CDH4: variants seen among roughly 807,000 people sequenced by gnomAD.
CDH4 encodes cadherin-4.
CDH4 carries 33 observed loss-of-function variants against 86.0 expected under a neutral mutation model. The observed-to-expected ratio is 0.38, with a 90% confidence interval of 0.29 to 0.51. The LOEUF is 0.51. Among genes scored for constraint, CDH4 ranks in the 20% least tolerant of loss-of-function variants. The pLI, the probability that CDH4 is intolerant of heterozygous loss-of-function variation, is 0.86. For missense variants in CDH4, 1,114 were observed against 1,307.4 expected, an observed-to-expected ratio of 0.85 and a Z score of 2.28; for synonymous variants, 555 against 549.4, an observed-to-expected ratio of 1.01 and a Z score of -0.14.
rs543828715 is a variant in CDH4, at chr20:61,405,697, A to ATTT, written c.169+150772_169+150774dup. Reference sequence around the variant, plus strand: ...TTATAGCTATATCTATGTATCTATAATTTTTTTTTTTTTTGAGACAGAGTC... The same window carrying ATTT: ...TTATAGCTATATCTATGTATCTATAATTTTTTTTTTTTTTTTTGAGACAGAGTC... On this transcript the variant is annotated intron_variant, in intron 2 of 15. Coordinates refer to ENST00000614565, the MANE Select transcript of CDH4 (RefSeq NM_001794.5). 2.0e-3 allele frequency among the ~76,000 whole-genome samples: 288 copies of ATTT among 145,724 alleles called. 3 individuals carry two copies. The highest frequency in any genetic ancestry group is 7.0e-3 in the African/African-American group (278 of 39,870).
Position 61,623,084 on chromosome 20 carries a change from A to G in CDH4, c.170-120479A>G, listed in dbSNP as rs184110568. Reference sequence around the variant, plus strand: ...GTGCCTTAGAGGCAAAGCTTCATTTAAAATAATGACATAAGACGTGTGGGT... The same window carrying G: ...GTGCCTTAGAGGCAAAGCTTCATTTGAAATAATGACATAAGACGTGTGGGT... On this transcript the variant is annotated intron_variant, in intron 2 of 15. Transcript: ENST00000614565. This position sits in a 1 kb window ranked among gnomAD's most constrained non-coding sequence, Gnocchi z 4.4. Among the ~76,000 whole-genome samples, 2 of 152,336 alleles carry G rather than the reference A, an allele frequency of 1.3e-5. No individual in the cohort carries two copies. The highest frequency in any genetic ancestry group is 2.9e-5 in the Non-Finnish European group (2 of 68,028).
At chr20:61,455,713 A>C (rs1396518750) in intron 2 of CDH4, among the ~76,000 whole-genome samples, 1 of 152,060 alleles carries the variant, frequency 6.6e-6, no homozygotes, top group Non-Finnish European at 1.5e-5. Flanking sequence ...AAAAACCCAA[A>C]TGTACCTCTC....
At chr20:61,648,214 C>T (rs992171105) in intron 2 of CDH4, among the ~76,000 whole-genome samples, 1 of 152,194 alleles carries the variant, frequency 6.6e-6, no homozygotes, top group Non-Finnish European at 1.5e-5. Context: ...AATTCATTGT[C>T]TGGGTCTTTC....
intron 2 of CDH4, among the ~76,000 whole-genome samples, chr20:61,648,104 C>T (rs113145149): frequency 0.022 from 3,338 of 152,302 alleles, 139 homozygotes; most frequent in African/African-American, 0.076. Flanking sequence ...CTGCCATTGC[C>T]CTCAGAGGAG....
rs537410475 is a variant in CDH4, at chr20:61,793,720, A to G, written c.576+20538A>G. On this transcript the variant is annotated intron_variant, in intron 4 of 15. Coordinates refer to ENST00000614565, the MANE Select transcript of CDH4 (RefSeq NM_001794.5). ...CTGGGCATGGTGGCAGACACCTGTA[A>G]TCCCAGCTACTTGGGAGGCTGAGGC... 1.4e-4 allele frequency among the ~76,000 whole-genome samples: 21 copies of G among 151,712 alleles called. No individual in the cohort carries two copies. The South Asian group carries it at 3.8e-3, about 27-fold the overall frequency.
At chr20:61,936,155 A>C (rs62205053) in intron 15 of CDH4, among the ~76,000 whole-genome samples, 28,798 of 151,736 alleles carry the variant, frequency 0.19, 3,291 homozygotes, top group Middle Eastern at 0.28. Context: ...CCCTAGGTCC[A>C]CTTTCCCTCC....
chr20:61,819,953 C>A (rs1195483679), intron 4 of CDH4, among the ~76,000 whole-genome samples: 2 of 152,330 alleles, frequency 1.3e-5, no homozygotes, highest in East Asian at 3.9e-4. Context: ...GCTGTGTGCA[C>A]ACCTGCCCGT....
chr20:61,658,404 C>A (rs898645888), intron 2 of CDH4, among the ~76,000 whole-genome samples: 3 of 152,220 alleles, frequency 2.0e-5, no homozygotes, highest in South Asian at 2.1e-4. Flanking sequence ...ATCCCTGAGT[C>A]ATTGTTCCCT....
At chr20:61,733,233 C>A (rs1177806156) in intron 2 of CDH4, among the ~76,000 whole-genome samples, 1 of 152,106 alleles carries the variant, frequency 6.6e-6, no homozygotes, top group Non-Finnish European at 1.5e-5. Flanking sequence ...TCTCTATGTT[C>A]CACACAGAGC....
rs1301260262 is a variant in CDH4 at position 61,829,594 on chromosome 20, C to A, written c.577-15074C>A. 6.6e-6 allele frequency among the ~76,000 whole-genome samples: 1 copy of A among 152,218 alleles called. No homozygotes were observed. Among genetic ancestry groups the A allele is most frequent in the Non-Finnish European group, 1.5e-5 (1 of 68,032 alleles). ...GAGCCTGTTTTCCACGGCGGCTCTGCGGGCCTCCTGTTGAGGAAGCCCTGG... is the reference window on the plus strand; with the variant it reads ...GAGCCTGTTTTCCACGGCGGCTCTGAGGGCCTCCTGTTGAGGAAGCCCTGG... On this transcript the variant is annotated intron_variant, in intron 4 of 15. Coordinates refer to ENST00000614565, the MANE Select transcript of CDH4 (RefSeq NM_001794.5). The surrounding 1 kb of genome is among the most constrained non-coding windows in gnomAD (Gnocchi z 4.2).
intron 2 of CDH4, among the ~76,000 whole-genome samples, chr20:61,276,766 C>T (rs1756018729): frequency 6.6e-6 from 1 of 152,158 alleles, no homozygotes; most frequent in Non-Finnish European, 1.5e-5. Context: ...GGCTGTTGGG[C>T]AGAGGGAGGC....
chr20:61,912,935 G>A (rs1485863576), intron 9 of CDH4, among the ~76,000 whole-genome samples: 1 of 152,196 alleles, frequency 6.6e-6, no homozygotes, highest in South Asian at 2.1e-4. Context: ...TGCTGGCAAC[G>A]TTGCTCATGG....
chr20:61,650,567 A>G (rs1451117199), intron 2 of CDH4, among the ~76,000 whole-genome samples: 1 of 152,220 alleles, frequency 6.6e-6, no homozygotes, highest in South Asian at 2.1e-4. Flanking sequence ...CTTACTAAGC[A>G]TCTACTGTAT....
chr20:61,461,763 G>A (rs903486977), intron 2 of CDH4, among the ~76,000 whole-genome samples: 10 of 152,218 alleles, frequency 6.6e-5, no homozygotes, highest in African/African-American at 2.4e-4. Flanking sequence ...CAACGGAGAC[G>A]CATGATGTTT....
At chr20:61,531,301 G>A (rs137950113) in intron 2 of CDH4, among the ~76,000 whole-genome samples, 1,639 of 152,012 alleles carry the variant, frequency 0.011, 23 homozygotes, top group African/African-American at 0.037. Context: ...GTGAAACCCC[G>A]TCTCTACTAA....
At position 61,379,757 on chromosome 20, in the gene CDH4, TCTACCCAAGGCTC is replaced by T. The variant is rs1387339771; in HGVS notation, c.169+124823_169+124835del. 2.0e-5 allele frequency among the ~76,000 whole-genome samples: 3 copies of T among 152,222 alleles called. No homozygotes were observed. The East Asian group carries it at 5.8e-4, about 29-fold the overall frequency. ...TTCCTGTTCCCACGGTTTAACCAAC[TCTACCCAAGGCTC>T]CTGTGCTCAACTGTTCTTTGTTTCA... is the stretch of plus-strand genomic sequence containing the variant. On this transcript the variant is annotated intron_variant, in intron 2 of 15. Coordinates refer to ENST00000614565, the MANE Select transcript of CDH4 (RefSeq NM_001794.5).
intron 7 of CDH4, among the ~76,000 whole-genome samples, chr20:61,887,297 G>C (rs762342103): frequency 6.6e-6 from 1 of 152,138 alleles, no homozygotes; most frequent in Admixed American, 6.5e-5. Flanking sequence ...TCCTTCCTGC[G>C]GGTCTAGCTT....
intron 2 of CDH4, among the ~76,000 whole-genome samples, chr20:61,258,329 C>CAAAA (rs778048684): frequency 8.0e-5 from 5 of 62,352 alleles, no homozygotes; most frequent in African/African-American, 2.9e-4. Context: ...GACTCCGTCT[C>CAAAA]AAAAAAAAAA....
chr20:61,726,699 T>TGGTGCTATCATCATCACCATC (rs1169285669), intron 2 of CDH4, among the ~76,000 whole-genome samples: 2 of 146,708 alleles, frequency 1.4e-5, no homozygotes, highest in East Asian at 4.2e-4. Flanking sequence ...TCATCACCAT[T>TGGTGCTATCATCATCACCATC]GGTGCTATCA....
Sources: allele counts gnomAD v4.1 joint callset (sites outside exome capture counted in the v4.1 genomes callset), GRCh38; gene constraint gnomAD v4.1.1; non-coding constraint Gnocchi (gnomAD v3.1); transcripts MANE v1.5; gene names NCBI Gene and HGNC (gene_info 2026-07-23, HGNC 2026-07-21).